The following TSPEAR variants were observed in gnomAD, a reference collection of about 807,000 sequenced individuals.
TSPEAR encodes the protein thrombospondin type laminin G domain and EAR repeats.
Under a neutral mutation model 71.6 loss-of-function variants are expected in TSPEAR, and 69 were observed. That is an observed-to-expected ratio of 0.96 (90% CI 0.79 to 1.18). The LOEUF (loss-of-function observed/expected upper bound fraction) is 1.18, where lower values mean the gene tolerates loss of function less well. TSPEAR is among the 50% of genes most tolerant of loss of function. The pLI, the probability that TSPEAR is intolerant of heterozygous loss-of-function variation, is 0.00. For synonymous variants in TSPEAR, 402 were observed against 387.2 expected (o/e 1.04, Z -0.45); for missense variants, 971 against 894.9 (o/e 1.09, Z -1.09).
At chr21:44,512,120 G>C (rs1447109977) in intron 9 of TSPEAR, among the ~76,000 whole-genome samples, 3 of 152,238 alleles carry the variant, frequency 2.0e-5, no homozygotes, top group African/African-American at 7.2e-5. Flanking sequence ...CAGGACTGAG[G>C]GAGCCAGGAG....
At chr21:44,668,581 C>A (rs1985905248) in intron 1 of TSPEAR, among the ~76,000 whole-genome samples, 1 of 152,168 alleles carries the variant, frequency 6.6e-6, no homozygotes, top group South Asian at 2.1e-4. Context: ...CCCTAAATAG[C>A]CAAATCAATC....
rs1364879378 is a variant in TSPEAR, at chr21:44,623,505, TGTC to T, written c.83-55503_83-55501del. Among the ~76,000 whole-genome samples, 2 of 152,376 alleles carry T rather than the reference TGTC, an allele frequency of 1.3e-5. No homozygotes were observed. The highest frequency in any genetic ancestry group is 3.9e-4 in the East Asian group (2 of 5,190). On this transcript the variant is annotated intron_variant, in intron 1 of 11. Transcript: ENST00000323084. This position sits in a 1 kb window ranked among gnomAD's most constrained non-coding sequence, Gnocchi z 4.5. ...AATATTCATTTAGATTTCCCCATGT[TGTC>T]CTCCTTTTGTTACACTTCATTTCCT...
intron 1 of TSPEAR, chr21:44,574,745 G>T: frequency 6.2e-7 from 1 of 1,613,574 alleles, no homozygotes; most frequent in Non-Finnish European, 8.5e-7. Context: ...TGAGCTGTGT[G>T]CCTGTTTGCT....
At chr21:44,600,522 C>A in intron 1 of TSPEAR, 1 of 1,357,836 alleles carries the variant, frequency 7.4e-7, no homozygotes, top group Non-Finnish European at 1.0e-6. Flanking sequence ...ACCAGGGAGA[C>A]ATATAAAAGC....
At chr21:44,663,238 A>G (rs1985591286) in intron 1 of TSPEAR, among the ~76,000 whole-genome samples, 1 of 152,082 alleles carries the variant, frequency 6.6e-6, no homozygotes, top group Non-Finnish European at 1.5e-5. Context: ...AAAGAAAAAA[A>G]AAGACACAAA....
At chr21:44,505,544 A>C (rs2052172852) in intron 10 of TSPEAR, among the ~76,000 whole-genome samples, 1 of 77,278 alleles carries the variant, frequency 1.3e-5, no homozygotes. Flanking sequence ...CTCTGCACCC[A>C]GTAAACATCA....
intron 1 of TSPEAR, among the ~76,000 whole-genome samples, chr21:44,620,362 A>G (rs886582159): frequency 4.6e-5 from 7 of 152,254 alleles, no homozygotes; most frequent in African/African-American, 1.7e-4. Context: ...CTAAAGCAAT[A>G]TGAATGAAGA....
At chr21:44,601,586 G>T (rs1980916016) in intron 1 of TSPEAR, 1 of 1,613,436 alleles carries the variant, frequency 6.2e-7, no homozygotes, top group Non-Finnish European at 8.5e-7. Flanking sequence ...CCCGCCTGCT[G>T]CGTGCCCGTC....
chr21:44,651,790 A>G (rs1028283268), intron 1 of TSPEAR, among the ~76,000 whole-genome samples: 5 of 152,146 alleles, frequency 3.3e-5, no homozygotes, highest in Non-Finnish European at 7.3e-5. Context: ...GAGAACCAGG[A>G]TGTGGACATC....
intron 1 of TSPEAR, chr21:44,601,252 C>T: frequency 1.9e-6 from 3 of 1,609,604 alleles, no homozygotes; most frequent in Non-Finnish European, 2.5e-6. Flanking sequence ...GTGCTGCCAG[C>T]AGTCTAGCTG....
intron 11 of TSPEAR, among the ~76,000 whole-genome samples, chr21:44,502,835 G>A (rs782463836): frequency 6.7e-6 from 1 of 149,620 alleles, no homozygotes; most frequent in Non-Finnish European, 1.5e-5. Flanking sequence ...GGAGGAGGCC[G>A]GCCTCGGTGA....
intron 1 of TSPEAR, among the ~76,000 whole-genome samples, chr21:44,603,014 G>C (rs782322127): frequency 5.3e-5 from 8 of 151,902 alleles, no homozygotes; most frequent in Non-Finnish European, 1.0e-4. Flanking sequence ...ACAGTGCTGG[G>C]TGCATTTCTG....
intron 2 of TSPEAR, chr21:44,540,321 G>T: frequency 1.8e-6 from 2 of 1,122,756 alleles, no homozygotes; most frequent in Non-Finnish European, 2.5e-6. Context: ...CTTCCTGGTT[G>T]CTGAGAGGTG....
chr21:44,629,794 G>T (rs587767359), intron 1 of TSPEAR, among the ~76,000 whole-genome samples: 1 of 152,346 alleles, frequency 6.6e-6, no homozygotes, highest in East Asian at 1.9e-4. Flanking sequence ...AATGGTTCCT[G>T]TTTAGGCATC....
intron 11 of TSPEAR, among the ~76,000 whole-genome samples, chr21:44,503,669 A>C (rs1219021078): frequency 8.5e-6 from 1 of 117,402 alleles, no homozygotes; most frequent in African/African-American, 3.4e-5. Flanking sequence ...TGGTGAGCCC[A>C]CAGCGGGGAA....
rs587666207 is a variant in TSPEAR at position 44,529,149 on chromosome 21, C to T, written c.791-566G>A. Among the ~76,000 whole-genome samples the T allele has an allele frequency of 7.9e-5, 12 of 152,316 alleles. No homozygotes were observed. In the East Asian group the frequency reaches 1.4e-3, roughly 17 times the overall value. ...GGTGGGGGCTCCCCTACTTGGTAAC[C>T]GCTAACCCTGAGGCTCGGGGGCTCG... On this transcript the variant is annotated intron_variant, in intron 5 of 11. Transcript: ENST00000323084.
At chr21:44,608,093 A>T (rs1395727075) in intron 1 of TSPEAR, among the ~76,000 whole-genome samples, 4 of 152,156 alleles carry the variant, frequency 2.6e-5, no homozygotes, top group African/African-American at 9.7e-5. Flanking sequence ...ACACCTGGGA[A>T]CTCGGAGATG....
intron 1 of TSPEAR, among the ~76,000 whole-genome samples, chr21:44,643,401 A>G (rs1984128661): frequency 6.6e-6 from 1 of 152,346 alleles, no homozygotes; most frequent in East Asian, 1.9e-4. Context: ...CTAAGAGTCC[A>G]TCTTAAATGT....
chr21:44,684,657 C>T (rs1165841460), intron 1 of TSPEAR, among the ~76,000 whole-genome samples: 9 of 152,058 alleles, frequency 5.9e-5, no homozygotes, highest in Admixed American at 3.3e-4. Context: ...TTGACTAGGA[C>T]GAGGCCAGGT....
Sources: allele counts gnomAD v4.1 joint callset (sites outside exome capture counted in the v4.1 genomes callset), GRCh38; gene constraint gnomAD v4.1.1; non-coding constraint Gnocchi (gnomAD v3.1); transcripts MANE v1.5; gene names NCBI Gene and HGNC (gene_info 2026-07-23, HGNC 2026-07-21).